The following SSC5D variants were observed in gnomAD, a reference collection of about 807,000 sequenced individuals.
SSC5D encodes the protein soluble scavenger receptor cysteine-rich domain-containing protein SSC5D.
A neutral mutation model predicts 104.6 loss-of-function variants in SSC5D; 106 were observed. That is an observed-to-expected ratio of 1.01 (90% CI 0.87 to 1.19). The LOEUF (loss-of-function observed/expected upper bound fraction) is 1.19, where lower values mean the gene tolerates loss of function less well. Among genes scored for constraint, SSC5D ranks in the 50% most tolerant of loss-of-function variants. SSC5D has a pLI of 0.00. For synonymous variants in SSC5D, 860 were observed against 883.5 expected (o/e 0.97, Z 0.47); for missense variants, 1,993 against 2,153.8 (o/e 0.93, Z 1.48).
At position 55,518,326 on chromosome 19, in the gene SSC5D, C is replaced by T. The variant is rs1318906062; in HGVS notation, c.4050C>T (p.Ser1350=). 1 of 1,551,168 alleles carries T rather than the reference C, an allele frequency of 6.4e-7. No individual in the cohort carries two copies. Residue 1350 remains serine (S), a synonymous_variant, in exon 14 of 14, where the codon TCC becomes TCT. Transcript: ENST00000389623. ...CAACCTCCTTGGGGACAGAACTCTCCTCTCCCACTCTAGCACCAACAGTCA... is the reference window on the plus strand; with the variant it reads ...CAACCTCCTTGGGGACAGAACTCTCTTCTCCCACTCTAGCACCAACAGTCA... ...SLPTSLGTEL[S]SPTLAPTVKP...
intron 12 of SSC5D, among the ~76,000 whole-genome samples, chr19:55,511,813 G>A (rs754675726): frequency 4.6e-5 from 7 of 152,190 alleles, no homozygotes; most frequent in Non-Finnish European, 8.8e-5. Flanking sequence ...AAAGGGGCAG[G>A]TGTCTGCCAG....
chr19:55,511,571 G>A (rs1403236690), intron 12 of SSC5D, among the ~76,000 whole-genome samples: 2 of 152,182 alleles, frequency 1.3e-5, no homozygotes, highest in African/African-American at 4.8e-5. Context: ...TTGTACCCAT[G>A]AATCCCTGGG....
chr19:55,495,901 A>AT (rs36109915), intron 8 of SSC5D, among the ~76,000 whole-genome samples: 13,318 of 98,772 alleles, frequency 0.13, 1,215 homozygotes, highest in African/African-American at 0.22. Context: ...GAGCCTGGCT[A>AT]TTTTTTTTTT....
intron 13 of SSC5D, among the ~76,000 whole-genome samples, chr19:55,516,122 T>C (rs187218207): frequency 6.7e-4 from 100 of 149,878 alleles, no homozygotes; most frequent in African/African-American, 2.3e-3. Context: ...AAAATCAAGA[T>C]ACATAATATC....
In SSC5D at chr19:55,494,773, A is replaced by G. The variant is rs753632120; in HGVS notation, c.1377A>G (p.Gly459=). ...CCCCTACTGTCCTTTGGGAGCCTGG[A>G]CCGGAAGCCGGTGAGTCCCTCCATG... The part of the protein sequence containing the change: ...PASPTVLWEP[G]PEAGSPQLRL... Residue 459 remains glycine, a synonymous_variant, in exon 8 of 14, where the codon GGA becomes GGG. Coordinates refer to ENST00000389623, the MANE Select transcript of SSC5D (RefSeq NM_001144950.2). The G allele has an allele frequency of 6.5e-7, 1 of 1,542,214 alleles. No homozygotes were observed. The highest frequency in any genetic ancestry group is 1.2e-5 in the South Asian group (1 of 83,288).
intron 12 of SSC5D, among the ~76,000 whole-genome samples, chr19:55,508,153 A>AACTT (rs1176380414): frequency 6.6e-6 from 1 of 152,098 alleles, no homozygotes; most frequent in African/African-American, 2.4e-5. Flanking sequence ...CTGAGGATAT[A>AACTT]ACTTAGCGAG....
At chr19:55,490,236 C>A in intron 4 of SSC5D, 62 bp from the exon 5 acceptor site, 1 of 665,834 alleles carries the variant, frequency 1.5e-6, no homozygotes, top group Non-Finnish European at 2.7e-6. Flanking sequence ...GAGGCCTGGG[C>A]CCCCAGGTGG....
intron 13 of SSC5D, among the ~76,000 whole-genome samples, chr19:55,515,997 TC>T: frequency 6.6e-6 from 1 of 152,082 alleles, no homozygotes; most frequent in South Asian, 2.1e-4. Context: ...TGCCCTAATT[TC>T]CCCCTTCTGT....
Position 55,518,155 on chromosome 19 carries a change from TCACCCCACCA to T in SSC5D, c.3882_3891del (p.His1294GlnfsTer7). ...CGACTCCTCACCCCACCACAACCCCTCACCCCACCACAACCCCTCACCCCACCATGACTCC... is the reference window on the plus strand; with the variant it reads ...CGACTCCTCACCCCACCACAACCCCTCAACCCCTCACCCCACCATGACTCC... On this transcript the variant is annotated frameshift_variant, in exon 14 of 14. Transcript: ENST00000389623. LOFTEE classifies it low-confidence loss of function (END_TRUNC). The T allele has an allele frequency of 1.0e-6, 1 of 986,354 alleles. No individual in the cohort carries two copies. 61.1% of individuals were successfully genotyped at this position (986,354 alleles called of 1,614,324 possible).
chr19:55,500,669 G>C lies in SSC5D; in HGVS notation c.2482G>C (p.Gly828Arg). 1 of 1,551,716 alleles carries C rather than the reference G, an allele frequency of 6.4e-7. No homozygotes were observed. The change falls in exon 11 of 14, where the codon GGC (glycine) becomes CGC (arginine). Residue 828 changes from glycine to arginine, a missense_variant. Gly to Arg is a moderately radical substitution (Grantham distance 125, BLOSUM62 -2). This residue lies in a region of SSC5D where 70 missense variants were observed against 107.1 expected (regional missense o/e 0.65). Coordinates refer to ENST00000389623, the MANE Select transcript of SSC5D (RefSeq NM_001144950.2). This position sits in a 1 kb window ranked among gnomAD's most constrained non-coding sequence, Gnocchi z 4.6. ...GCCTCGAGTAGGCAAAACCCATTACGGCCCTGGGACTGGGCCCATCTGGCT... is the reference window on the plus strand; with the variant it reads ...GCCTCGAGTAGGCAAAACCCATTACCGCCCTGGGACTGGGCCCATCTGGCT... ...VRPRVGKTHYGPGTGPIWLDD... is the reference protein window; with the variant it reads ...VRPRVGKTHYRPGTGPIWLDD...
chr19:55,495,062 C>T (rs1987276021), intron 8 of SSC5D, among the ~76,000 whole-genome samples: 1 of 151,272 alleles, frequency 6.6e-6, no homozygotes, highest in Non-Finnish European at 1.5e-5. Context: ...GGCTGAGAGT[C>T]TGCTCTATTC....
chr19:55,503,115 A>AT lies in SSC5D; in HGVS notation c.2785+1920dup, dbSNP rs1987551511. Among the ~76,000 whole-genome samples the AT allele has an allele frequency of 6.7e-6, 1 of 150,174 alleles. No individual in the cohort carries two copies. The highest frequency in any genetic ancestry group is 2.1e-4 in the South Asian group (1 of 4,720). On this transcript the variant is annotated intron_variant, in intron 12 of 13. Coordinates refer to ENST00000389623, the MANE Select transcript of SSC5D (RefSeq NM_001144950.2). This position sits in a 1 kb window ranked among gnomAD's most constrained non-coding sequence, Gnocchi z 4.0. ...GGGGTGAGCCACTGCTCCCGGCCTG[A>AT]TTTTTTGTCGAGATGGGTTCTCACT...
In SSC5D at chr19:55,517,353, C is replaced by A; in HGVS notation, c.3077C>A (p.Ser1026Tyr). Residue 1026 changes from serine (S) to tyrosine (Y), a missense_variant, in exon 14 of 14, where the codon TCC (serine) becomes TAC (tyrosine). Physicochemically the swap from Ser to Tyr is moderately radical, Grantham distance 144. This residue lies in a region of SSC5D where 423 missense variants were observed against 409.2 expected (regional missense o/e 1.03). Coordinates refer to ENST00000389623, the MANE Select transcript of SSC5D (RefSeq NM_001144950.2). Reference sequence around the variant, plus strand: ...CCAGGCCCAGCGCTGACCTCTGACTCCAGTCGAGAGCTCACTCCCCACTCA... The same window carrying A: ...CCAGGCCCAGCGCTGACCTCTGACTACAGTCGAGAGCTCACTCCCCACTCA... ...GPPGPALTSD[S>Y]SRELTPHSAL... 6.4e-7 allele frequency: 1 copy of A among 1,550,510 alleles called. No homozygotes were observed. The highest frequency in any genetic ancestry group is 8.7e-7 in the Non-Finnish European group (1 of 1,146,918).
intron 13 of SSC5D, among the ~76,000 whole-genome samples, chr19:55,516,167 CA>C (rs35777415): frequency 0.4 from 57,049 of 143,450 alleles, 12,848 homozygotes; most frequent in South Asian, 0.61. Flanking sequence ...AAATTAATGC[CA>C]AAAAAAAAAA....
chr19:55,514,202 G>A (rs967910550), intron 13 of SSC5D, among the ~76,000 whole-genome samples: 2 of 151,280 alleles, frequency 1.3e-5, no homozygotes, highest in Admixed American at 6.6e-5. Context: ...TCAGGAGATC[G>A]AGACCATCCT....
chr19:55,515,070 G>A (rs1987840436), intron 13 of SSC5D, among the ~76,000 whole-genome samples: 1 of 152,152 alleles, frequency 6.6e-6, no homozygotes, highest in African/African-American at 2.4e-5. Flanking sequence ...AGGAACAAGT[G>A]GAAATCTGTA....
chr19:55,489,522 T>C lies in SSC5D; in HGVS notation c.221T>C (p.Phe74Ser). The C allele has an allele frequency of 1.4e-6, 2 of 1,467,608 alleles. No individual in the cohort carries two copies. The highest frequency in any genetic ancestry group is 1.8e-6 in the Non-Finnish European group (2 of 1,116,218). 90.9% of individuals were successfully genotyped at this position (1,467,608 alleles called of 1,614,324 possible). A position where few individuals can be genotyped will look rare whatever the true frequency, so the allele number is the denominator to read the frequency against. The part of the protein sequence containing the change: ...GGALAAPGGA[F>S]FGEGAGPVWL... Reference sequence around the variant, plus strand: ...GCACTGGCCGCCCCGGGAGGCGCCTTCTTCGGGGAGGGGGCAGGGCCTGTG... The same window carrying C: ...GCACTGGCCGCCCCGGGAGGCGCCTCCTTCGGGGAGGGGGCAGGGCCTGTG... Residue 74 changes from phenylalanine (F) to serine (S), a missense_variant, in exon 3 of 14, where the codon TTC (phenylalanine) becomes TCC (serine). Physicochemically the swap from Phe to Ser is radical, Grantham distance 155. Coordinates refer to ENST00000389623, the MANE Select transcript of SSC5D (RefSeq NM_001144950.2).
intron 6 of SSC5D, chr19:55,491,351 C>T: frequency 2.2e-6 from 1 of 454,714 alleles, no homozygotes; most frequent in Non-Finnish European, 3.9e-6. Flanking sequence ...GTTTAAGCCT[C>T]AGTTTTCCTG....
At position 55,517,381 on chromosome 19, in the gene SSC5D, C is replaced by G; in HGVS notation, c.3105C>G (p.Ala1035=). 3 of 1,550,742 alleles carry G rather than the reference C, an allele frequency of 1.9e-6. No individual in the cohort carries two copies. The highest frequency in any genetic ancestry group is 2.6e-6 in the Non-Finnish European group (3 of 1,146,930). ...GTCGAGAGCTCACTCCCCACTCAGC[C>G]TTGACGTCCGAGGCGACCTCTGACG... The part of the protein sequence containing the change: ...DSSRELTPHS[A]LTSEATSDAP... Residue 1035 remains alanine, a synonymous_variant, in exon 14 of 14, where the codon GCC becomes GCG. Coordinates refer to ENST00000389623, the MANE Select transcript of SSC5D (RefSeq NM_001144950.2).
Sources: allele counts gnomAD v4.1 joint callset (sites outside exome capture counted in the v4.1 genomes callset), GRCh38; gene constraint gnomAD v4.1.1; regional missense constraint gnomAD v4.1.1; non-coding constraint Gnocchi (gnomAD v3.1); transcripts MANE v1.5; gene names NCBI Gene and HGNC (gene_info 2026-07-23, HGNC 2026-07-21).